C2orf80: variants seen among roughly 807,000 people sequenced by gnomAD.
C2orf80 encodes chromosome 2 open reading frame 80, also known as uncharacterized protein C2orf80.
Under a neutral mutation model 30.2 loss-of-function variants are expected in C2orf80, and 28 were observed. The observed-to-expected ratio is 0.93, with a 90% CI of 0.69 to 1.27. The LOEUF (loss-of-function observed/expected upper bound fraction) is 1.27, where lower values mean the gene tolerates loss of function less well. Among genes scored for constraint, C2orf80 ranks in the 50% most tolerant of loss-of-function variants. C2orf80 has a pLI of 0.00. For synonymous variants in C2orf80, 80 were observed against 76.4 expected (o/e 1.05, Z -0.24); for missense variants, 220 against 231.0 (o/e 0.95, Z 0.31).
At chr2:208,176,904 T>A (rs1461185585) in intron 6 of C2orf80, among the ~76,000 whole-genome samples, 1 of 14,780 alleles carries the variant, frequency 6.8e-5, no homozygotes, top group Non-Finnish European at 1.2e-4. Context: ...TATATACATA[T>A]CTGTGTATAC....
chr2:208,168,347 T>TA, intron 8 of C2orf80: 1 of 330,126 alleles, frequency 3.0e-6, no homozygotes, highest in Non-Finnish European at 5.8e-6. Flanking sequence ...TGTACACTAT[T>TA]AAAATTTTTA....
At chr2:208,173,117 T>C (rs1321374581) in intron 6 of C2orf80, among the ~76,000 whole-genome samples, 3 of 30,240 alleles carry the variant, frequency 9.9e-5, no homozygotes, top group African/African-American at 1.4e-4. Flanking sequence ...TAAAACCTCA[T>C]CTCAAAAAAA....
chr2:208,178,456 C>T (rs539158272), intron 6 of C2orf80, among the ~76,000 whole-genome samples: 26 of 152,178 alleles, frequency 1.7e-4, no homozygotes, highest in Non-Finnish European at 2.8e-4. Flanking sequence ...CAGAAAAAGA[C>T]AAGCAGGAAT....
intron 1 of C2orf80, among the ~76,000 whole-genome samples, chr2:208,188,085 CGTGTGTGTGTGTGTGT>C (rs139478315): frequency 8.3e-5 from 12 of 144,220 alleles, no homozygotes; most frequent in African/African-American, 7.6e-5. Flanking sequence ...TATACTGCAC[CGTGTGTGTGTGTGTGT>C]GTGTGTGTGT....
intron 6 of C2orf80, among the ~76,000 whole-genome samples, chr2:208,177,818 T>G (rs1002489275): frequency 3.3e-5 from 5 of 151,564 alleles, no homozygotes; most frequent in Admixed American, 2.6e-4. Context: ...ATTTATTTAT[T>G]TATTTATTTA....
intron 6 of C2orf80, among the ~76,000 whole-genome samples, chr2:208,177,399 G>T (rs1574366575): frequency 6.6e-6 from 1 of 151,890 alleles, no homozygotes; most frequent in South Asian, 2.1e-4. Context: ...AAATTAGCCA[G>T]GCGTGGTAAC....
chr2:208,165,693 A>G lies in C2orf80; in HGVS notation c.*114T>C. 6.9e-7 allele frequency: 1 copy of G among 1,445,122 alleles called. No homozygotes were observed. Among genetic ancestry groups the G allele is most frequent in the Non-Finnish European group, 9.5e-7 (1 of 1,048,050 alleles). 89.5% of individuals were successfully genotyped at this position (1,445,122 alleles called of 1,614,324 possible). A position where few individuals can be genotyped will look rare whatever the true frequency, so the allele number is the denominator to read the frequency against. On this transcript the variant is annotated 3_prime_UTR_variant, in exon 9 of 9. Transcript: ENST00000341287. Reference sequence around the variant, plus strand: ...AAAAATAACACTTCAGTGCAGTTGTACCAAAAACAGTTGTAAAGAAAAATG... The same window carrying G: ...AAAAATAACACTTCAGTGCAGTTGTGCCAAAAACAGTTGTAAAGAAAAATG...
At chr2:208,182,887 T>G in intron 4 of C2orf80, 78 bp downstream of exon 4, 1 of 1,152,720 alleles carries the variant, frequency 8.7e-7, no homozygotes. Context: ...TGATGGAAGA[T>G]GTTAGGGCTG....
chr2:208,189,897 C>T (rs536918234), intron 1 of C2orf80, 56 bp downstream of exon 1: 50 of 702,286 alleles, frequency 7.1e-5, no homozygotes, highest in African/African-American at 6.6e-4. Flanking sequence ...ACAGGTCTCT[C>T]GGGCTGTTCT....
intron 6 of C2orf80, among the ~76,000 whole-genome samples, chr2:208,176,938 T>TACGTATACATATCTGTATACAG (rs1553597376): frequency 1.9e-5 from 1 of 52,026 alleles, no homozygotes; most frequent in Non-Finnish European, 4.3e-5. Context: ...TATGTATACA[T>TACGTATACATATCTGTATACAG]ATCTGTATAC....
At chr2:208,184,806 C>T (rs1037029956) in intron 3 of C2orf80, 145 bp downstream of exon 3, 1 of 585,368 alleles carries the variant, frequency 1.7e-6, no homozygotes, top group Non-Finnish European at 3.0e-6. Flanking sequence ...TGAACAATCT[C>T]AGGGTGAGGG....
rs370857915 is a variant in C2orf80, at chr2:208,184,924, G to A, written c.123+27C>T. ...TTTAATACACATATAACACAAATATGACTCGCATCAGCGTGCCTTTCTTTA... is the reference window on the plus strand; with the variant it reads ...TTTAATACACATATAACACAAATATAACTCGCATCAGCGTGCCTTTCTTTA... On this transcript the variant is annotated intron_variant, in intron 3 of 8. Transcript: ENST00000341287. The A allele has an allele frequency of 1.1e-4, 169 of 1,564,686 alleles. No individual in the cohort carries two copies. The African/African-American group carries it at 1.9e-3, about 17-fold the overall frequency.
intron 8 of C2orf80, among the ~76,000 whole-genome samples, chr2:208,168,112 A>T (rs1021185190): frequency 6.6e-6 from 1 of 152,160 alleles, no homozygotes; most frequent in Non-Finnish European, 1.5e-5. Flanking sequence ...TTTTTCATCC[A>T]TTTAATAAAA....
intron 6 of C2orf80, among the ~76,000 whole-genome samples, chr2:208,176,095 G>C (rs1696283926): frequency 6.6e-6 from 1 of 152,170 alleles, no homozygotes; most frequent in South Asian, 2.1e-4. Context: ...TGCTTGATTA[G>C]CTATTTAATT....
At chr2:208,173,579 C>T (rs895167867) in intron 6 of C2orf80, among the ~76,000 whole-genome samples, 10 of 151,504 alleles carry the variant, frequency 6.6e-5, no homozygotes, top group Non-Finnish European at 1.3e-4. Flanking sequence ...GAGCCGAGAT[C>T]GTGCCACTGC....
chr2:208,186,911 T>G (rs374512103), intron 2 of C2orf80, 35 bp downstream of exon 2: 2 of 1,585,310 alleles, frequency 1.3e-6, no homozygotes, highest in Admixed American at 1.7e-5. Flanking sequence ...GAATGCCAAG[T>G]GTCATAAATG....
At position 208,182,942 on chromosome 2, in the gene C2orf80, G is replaced by A. The variant is rs773473502; in HGVS notation, c.206+23C>T. 3.8e-6 allele frequency: 6 copies of A among 1,575,740 alleles called. No individual in the cohort carries two copies. The South Asian group carries it at 4.4e-5, about 12-fold the overall frequency. On this transcript the variant is annotated intron_variant, in intron 4 of 8. Coordinates refer to ENST00000341287, the MANE Select transcript of C2orf80 (RefSeq NM_001099334.3). ...TCATAGGCACAAATTAAAGAGGAAAGCAACAAACCTACTTCAACTTACAGT... is the reference window on the plus strand; with the variant it reads ...TCATAGGCACAAATTAAAGAGGAAAACAACAAACCTACTTCAACTTACAGT...
At chr2:208,185,582 A>C (rs972837262) in intron 2 of C2orf80, among the ~76,000 whole-genome samples, 6 of 152,194 alleles carry the variant, frequency 3.9e-5, no homozygotes, top group Non-Finnish European at 8.8e-5. Flanking sequence ...TAATAAAAGA[A>C]GGTAAAATAA....
intron 5 of C2orf80, 68 bp downstream of exon 5, chr2:208,181,150 C>A: frequency 1.9e-6 from 2 of 1,061,470 alleles, no homozygotes; most frequent in Non-Finnish European, 2.9e-6. Context: ...TGTAAATATT[C>A]ATTACTGTAA....
Sources: allele counts gnomAD v4.1 joint callset (sites outside exome capture counted in the v4.1 genomes callset), GRCh38; gene constraint gnomAD v4.1.1; transcripts MANE v1.5; gene names NCBI Gene and HGNC (gene_info 2026-07-23, HGNC 2026-07-21).